Variants in LTBP1 observed in about 807,000 individuals in gnomAD.
LTBP1 encodes latent transforming growth factor beta binding protein 1, also known as latent-transforming growth factor beta-binding protein 1.
LTBP1 carries 129 observed loss-of-function variants against 207.6 expected under a neutral mutation model. The observed-to-expected ratio is 0.62, with a 90% CI of 0.54 to 0.72. The LOEUF is 0.72. Ranked by LOEUF, LTBP1 falls within the 30% of genes least tolerant of loss-of-function variation. LTBP1 has a pLI of 0.00. For synonymous variants in LTBP1, 963 were observed against 833.7 expected, an observed-to-expected ratio of 1.16 and a Z score of -2.67; for missense variants, 2,281 against 2,217.2, an observed-to-expected ratio of 1.03 and a Z score of -0.58.
rs566081017 is a variant in LTBP1, at chr2:33,222,174, A to G, written c.1876+23A>G. On this transcript the variant is annotated intron_variant, in intron 9 of 33. Transcript: ENST00000404816. ...AAGGTAAGACTAACTGAATTCATTG[A>G]TGTGGACTCAACAGTTGTTTTGGCT... 3 of 1,543,350 alleles carry G rather than the reference A, an allele frequency of 1.9e-6. No individual in the cohort carries two copies. The African/African-American group carries it at 4.1e-5, about 21-fold the overall frequency.
At chr2:33,233,257 A>C (rs1162960962) in intron 9 of LTBP1, among the ~76,000 whole-genome samples, 3 of 152,042 alleles carry the variant, frequency 2.0e-5, no homozygotes, top group African/African-American at 7.2e-5. Context: ...TGGTTATCTC[A>C]GTTCCATTTT....
At chr2:33,057,924 G>A (rs1373587846) in intron 3 of LTBP1, among the ~76,000 whole-genome samples, 4 of 152,268 alleles carry the variant, frequency 2.6e-5, no homozygotes, top group Admixed American at 6.5e-5. Context: ...CAGAATGGGC[G>A]CCAAGGCCGA....
At chr2:33,161,262 C>CTT (rs531382337) in intron 5 of LTBP1, among the ~76,000 whole-genome samples, 59 of 135,412 alleles carry the variant, frequency 4.4e-4, no homozygotes, top group South Asian at 1.2e-3. Context: ...TTTTTTTTTC[C>CTT]TTTTTTTTTT....
intron 7 of LTBP1, among the ~76,000 whole-genome samples, chr2:33,197,035 T>G (rs2088643782): frequency 1.3e-5 from 2 of 152,200 alleles, no homozygotes; most frequent in African/African-American, 4.8e-5. Context: ...AAAAAACATT[T>G]CTATTGTTTT....
intron 3 of LTBP1, among the ~76,000 whole-genome samples, chr2:33,079,909 T>G (rs534615685): frequency 1.3e-4 from 19 of 150,392 alleles, no homozygotes; most frequent in African/African-American, 4.4e-4. Flanking sequence ...TGACTTGCTA[T>G]TCTTTCTTTC....
At chr2:33,178,433 C>A (rs945386007) in intron 5 of LTBP1, among the ~76,000 whole-genome samples, 4 of 152,198 alleles carry the variant, frequency 2.6e-5, no homozygotes, top group South Asian at 4.1e-4. Flanking sequence ...ATGGCCTCAT[C>A]TCATCTGGTG....
chr2:33,276,006 C>T, intron 18 of LTBP1, 83 bp downstream of exon 18: 1 of 1,479,924 alleles, frequency 6.8e-7, no homozygotes, highest in Non-Finnish European at 9.0e-7. Context: ...GTTTCCTTCC[C>T]ACACTCAGTG....
chr2:33,348,139 G>T (rs574367479), intron 26 of LTBP1, among the ~76,000 whole-genome samples: 3 of 152,282 alleles, frequency 2.0e-5, no homozygotes, highest in African/African-American at 7.2e-5. Context: ...GCTATAGCTT[G>T]GTTGTATTTT....
chr2:33,350,245 A>G (rs1286809620), intron 26 of LTBP1, among the ~76,000 whole-genome samples: 3 of 152,242 alleles, frequency 2.0e-5, no homozygotes, highest in South Asian at 2.1e-4. Context: ...TTATTCAGCT[A>G]TAAAACTCCC....
At chr2:33,116,085 T>C (rs929760150) in intron 4 of LTBP1, among the ~76,000 whole-genome samples, 3 of 152,176 alleles carry the variant, frequency 2.0e-5, no homozygotes, top group African/African-American at 7.2e-5. Flanking sequence ...AGGAGATCTT[T>C]AGGATGAGCA....
At position 33,359,218 on chromosome 2, in the gene LTBP1, G is replaced by A. The variant is rs144047907; in HGVS notation, c.4001-1379G>A. 2.0e-4 allele frequency among the ~76,000 whole-genome samples: 31 copies of A among 152,282 alleles called. 1 individual carries two copies. The highest frequency in any genetic ancestry group is 6.3e-4 in the African/African-American group (26 of 41,568). ...GAGGGATCTTTATATTCTCACTGAT[G>A]CTCTGTGTTCTGAGAGGAGTATATA... On this transcript the variant is annotated intron_variant, in intron 26 of 33. Coordinates refer to ENST00000404816, the MANE Select transcript of LTBP1 (RefSeq NM_206943.4).
intron 2 of LTBP1, among the ~76,000 whole-genome samples, chr2:32,985,838 C>A (rs1224470352): frequency 6.6e-6 from 1 of 152,120 alleles, no homozygotes; most frequent in African/African-American, 2.4e-5. Flanking sequence ...TTAACCCCTT[C>A]TTTTCTTCTG....
chr2:33,320,959 C>A (rs192362711), intron 24 of LTBP1, among the ~76,000 whole-genome samples: 52 of 152,146 alleles, frequency 3.4e-4, no homozygotes, highest in Middle Eastern at 6.8e-3. Context: ...TTTGGCATTA[C>A]CTTTTTTTTA....
At chr2:33,108,644 C>G (rs1181876089) in intron 3 of LTBP1, among the ~76,000 whole-genome samples, 3 of 152,104 alleles carry the variant, frequency 2.0e-5, no homozygotes, top group Non-Finnish European at 4.4e-5. Flanking sequence ...TGCAGTAGCC[C>G]AAGGTCTCCT....
At chr2:33,208,853 A>T (rs2090076484) in intron 7 of LTBP1, among the ~76,000 whole-genome samples, 1 of 147,300 alleles carries the variant, frequency 6.8e-6, no homozygotes, top group African/African-American at 2.5e-5. Context: ...TGTCTAGTCC[A>T]GTCTTGCTAC....
At chr2:33,319,984 G>A (rs773879637) in intron 24 of LTBP1, among the ~76,000 whole-genome samples, 1 of 152,196 alleles carries the variant, frequency 6.6e-6, no homozygotes, top group Non-Finnish European at 1.5e-5. Context: ...GCCATCCACT[G>A]TTCTAGGTAC....
chr2:33,290,178 G>A (rs959803173), intron 19 of LTBP1, among the ~76,000 whole-genome samples: 8 of 152,118 alleles, frequency 5.3e-5, no homozygotes, highest in East Asian at 3.8e-4. Flanking sequence ...TCATTCCCAC[G>A]AGAACTAACC....
intron 2 of LTBP1, among the ~76,000 whole-genome samples, chr2:32,982,039 A>G (rs1682844510): frequency 6.6e-6 from 1 of 152,210 alleles, no homozygotes; most frequent in Admixed American, 6.5e-5. Context: ...GGTAACAGGC[A>G]AAGGTTGGAA....
chr2:33,317,611 A>G (rs1050580552), intron 24 of LTBP1: 21 of 152,214 alleles, frequency 1.4e-4, no homozygotes, highest in African/African-American at 5.1e-4. Context: ...AAATTTAGCA[A>G]TGGAGCAGTT....
Sources: allele counts gnomAD v4.1 joint callset (sites outside exome capture counted in the v4.1 genomes callset), GRCh38; gene constraint gnomAD v4.1.1; transcripts MANE v1.5; gene names NCBI Gene and HGNC (gene_info 2026-07-23, HGNC 2026-07-21).